Variants in SSBP2 observed in about 807,000 individuals in gnomAD.
SSBP2 encodes single-stranded DNA-binding protein 2.
A neutral mutation model predicts 61.8 loss-of-function variants in SSBP2; 17 were observed. The observed-to-expected ratio is 0.28, with a 90% CI of 0.19 to 0.41. The LOEUF (loss-of-function observed/expected upper bound fraction) is 0.41. Among genes scored for constraint, SSBP2 ranks in the 10% least tolerant of loss-of-function variants. The probability of loss-of-function intolerance (pLI) is 1.00; values close to 1 mark genes in which losing one functional copy is unlikely to be tolerated. For synonymous variants in SSBP2, 139 were observed against 141.3 expected (o/e 0.98, Z 0.12); for missense variants, 310 against 458.7 (o/e 0.68, Z 2.96).
intron 2 of SSBP2, among the ~76,000 whole-genome samples, chr5:81,639,210 C>G (rs570435806): frequency 6.6e-6 from 1 of 152,132 alleles, no homozygotes; most frequent in Non-Finnish European, 1.5e-5. Flanking sequence ...AGACATAAGT[C>G]TCTCATAAAA....
At chr5:81,538,656 T>C (rs1040452745) in intron 4 of SSBP2, among the ~76,000 whole-genome samples, 14 of 152,206 alleles carry the variant, frequency 9.2e-5, no homozygotes, top group African/African-American at 2.9e-4. Flanking sequence ...GCTAATGCAG[T>C]TGGGGGCTTT....
At chr5:81,465,456 A>C (rs915041599) in intron 9 of SSBP2, among the ~76,000 whole-genome samples, 4 of 152,018 alleles carry the variant, frequency 2.6e-5, no homozygotes, top group African/African-American at 9.7e-5. Context: ...TAATCTCTCA[A>C]TGGTCACATA....
chr5:81,655,767 G>A (rs948932973), intron 1 of SSBP2, among the ~76,000 whole-genome samples: 2 of 152,136 alleles, frequency 1.3e-5, no homozygotes, highest in African/African-American at 2.4e-5. Flanking sequence ...CTACACACAC[G>A]TGTACTCACA....
chr5:81,585,541 A>C (rs1319248341), intron 4 of SSBP2, among the ~76,000 whole-genome samples: 1 of 150,986 alleles, frequency 6.6e-6, no homozygotes, highest in Admixed American at 6.6e-5. Context: ...AATTGACAAA[A>C]ATTGTGTGTG....
At position 81,581,319 on chromosome 5, in the gene SSBP2, A is replaced by T. The variant is rs79264116; in HGVS notation, c.282+34154T>A. Among the ~76,000 whole-genome samples, 1,461 of 152,290 alleles carry T rather than the reference A, an allele frequency of 9.6e-3. 18 individuals carry two copies. The highest frequency in any genetic ancestry group is 0.033 in the African/African-American group (1,371 of 41,562). ...GGCGACAGGATGGATAGAAGGCTTG[A>T]GCGGCATTTGGGTTAAATGTAGAAT... On this transcript the variant is annotated intron_variant, in intron 4 of 16. Transcript: ENST00000320672.
At chr5:81,631,609 T>C (rs1747732148) in intron 3 of SSBP2, among the ~76,000 whole-genome samples, 1 of 152,116 alleles carries the variant, frequency 6.6e-6, no homozygotes, top group Admixed American at 6.5e-5. Context: ...TTAACTAGGA[T>C]TTAAACACTG....
At chr5:81,690,925 C>T (rs1300527545) in intron 1 of SSBP2, among the ~76,000 whole-genome samples, 1 of 152,040 alleles carries the variant, frequency 6.6e-6, no homozygotes, top group Non-Finnish European at 1.5e-5. Flanking sequence ...GTTCTGGGAA[C>T]TATATAAACA....
chr5:81,502,052 C>T (rs894737122), intron 5 of SSBP2, among the ~76,000 whole-genome samples: 1 of 152,108 alleles, frequency 6.6e-6, no homozygotes, highest in Admixed American at 6.5e-5. Context: ...CCACCTACTG[C>T]CTCATTTTTC....
intron 3 of SSBP2, among the ~76,000 whole-genome samples, chr5:81,623,236 C>A (rs562703211): frequency 5.9e-4 from 89 of 151,972 alleles, no homozygotes; most frequent in Non-Finnish European, 8.7e-4. Context: ...AATATCTCTT[C>A]TTCTTTCCTA....
intron 6 of SSBP2, 78 bp from the exon 7 acceptor site, chr5:81,474,640 A>G: frequency 1.0e-6 from 1 of 994,136 alleles, no homozygotes; most frequent in African/African-American, 1.7e-5. Flanking sequence ...TTCCTTTTAA[A>G]TGCTTGTATG....
At chr5:81,680,620 T>C (rs1325315097) in intron 1 of SSBP2, among the ~76,000 whole-genome samples, 1 of 152,072 alleles carries the variant, frequency 6.6e-6, no homozygotes, top group African/African-American at 2.4e-5. Context: ...GTAGCTATAT[T>C]AATTTCAGAC....
At chr5:81,527,409 G>T (rs1188210473) in intron 4 of SSBP2, among the ~76,000 whole-genome samples, 1 of 151,904 alleles carries the variant, frequency 6.6e-6, no homozygotes, top group Non-Finnish European at 1.5e-5. Flanking sequence ...TCAAAAGGGG[G>T]TTAGGAAGCA....
chr5:81,728,897 T>C (rs899789713), intron 1 of SSBP2, among the ~76,000 whole-genome samples: 3 of 151,306 alleles, frequency 2.0e-5, no homozygotes, highest in Non-Finnish European at 4.4e-5. Context: ...AAAACTAAAT[T>C]TGATGTTTAA....
intron 4 of SSBP2, among the ~76,000 whole-genome samples, chr5:81,563,999 T>C (rs1451909589): frequency 6.6e-6 from 1 of 151,934 alleles, no homozygotes; most frequent in East Asian, 1.9e-4. Flanking sequence ...TAATAATGGG[T>C]TCATCCCCAA....
intron 1 of SSBP2, among the ~76,000 whole-genome samples, chr5:81,726,192 T>C (rs1339931317): frequency 6.6e-6 from 1 of 152,120 alleles, no homozygotes; most frequent in African/African-American, 2.4e-5. Context: ...GTCATTAATC[T>C]GAGGAGTTTG....
intron 4 of SSBP2, among the ~76,000 whole-genome samples, chr5:81,551,044 G>A (rs1427485317): frequency 8.1e-5 from 12 of 148,126 alleles, no homozygotes; most frequent in African/African-American, 2.8e-4. Flanking sequence ...TGCAGCGAGC[G>A]GAGATCACAC....
intron 1 of SSBP2, among the ~76,000 whole-genome samples, chr5:81,743,798 G>A (rs1299580730): frequency 6.6e-6 from 1 of 152,156 alleles, no homozygotes; most frequent in East Asian, 1.9e-4. Flanking sequence ...CTTTACACTT[G>A]AGTGTGTAAG....
chr5:81,696,747 G>A (rs1420289739), intron 1 of SSBP2, among the ~76,000 whole-genome samples: 2 of 152,132 alleles, frequency 1.3e-5, no homozygotes, highest in Non-Finnish European at 2.9e-5. Flanking sequence ...ACACTGGGTG[G>A]GCAGAGGGGG....
intron 4 of SSBP2, among the ~76,000 whole-genome samples, chr5:81,524,632 T>C (rs1769771621): frequency 6.6e-6 from 1 of 152,090 alleles, no homozygotes; most frequent in African/African-American, 2.4e-5. Flanking sequence ...TTGCTAATTC[T>C]ATCATTTTGG....
Sources: allele counts gnomAD v4.1 joint callset (sites outside exome capture counted in the v4.1 genomes callset), GRCh38; gene constraint gnomAD v4.1.1; transcripts MANE v1.5; gene names NCBI Gene and HGNC (gene_info 2026-07-23, HGNC 2026-07-21).